The following CYFIP1 variants were observed in gnomAD, a reference collection of about 807,000 sequenced individuals.
CYFIP1 encodes cytoplasmic FMR1 interacting protein 1.
A neutral mutation model predicts 163.5 loss-of-function variants in CYFIP1; 58 were observed. The ratio of observed to expected loss-of-function variants is 0.35; its 90% CI spans 0.29 to 0.44. CYFIP1 has a LOEUF of 0.44. Ranked by LOEUF, CYFIP1 falls within the 20% of genes least tolerant of loss-of-function variation. CYFIP1 has a pLI of 1.00. For missense variants in CYFIP1, 1,338 were observed against 1,653.8 expected (o/e 0.81, Z 3.31); for synonymous variants, 663 against 660.7 (o/e 1.00, Z -0.05).
At position 22,964,632 on chromosome 15, in the gene CYFIP1, A is replaced by G. The variant is rs1328709935; in HGVS notation, c.-7+15655T>C. Among the ~76,000 whole-genome samples, 4 of 152,164 alleles carry G rather than the reference A, an allele frequency of 2.6e-5. No homozygotes were observed. The East Asian group carries it at 7.7e-4, about 29-fold the overall frequency. On this transcript the variant is annotated intron_variant, in intron 1 of 30. Transcript: ENST00000617928. ...CAGGGCTCCATGTTCCCTCTGGGAAAAAGGGACCCCACCCTGTCCTCAATC... is the reference window on the plus strand; with the variant it reads ...CAGGGCTCCATGTTCCCTCTGGGAAGAAGGGACCCCACCCTGTCCTCAATC...
chr15:22,902,631 G>A (rs2060432563), intron 22 of CYFIP1, among the ~76,000 whole-genome samples: 1 of 152,250 alleles, frequency 6.6e-6, no homozygotes, highest in Non-Finnish European at 1.5e-5. Flanking sequence ...CAGAGACGGT[G>A]GTCTTCACGG....
chr15:22,904,617 A>G (rs1421745200), intron 21 of CYFIP1: 1 of 152,272 alleles, frequency 6.6e-6, no homozygotes, highest in East Asian at 1.9e-4. Context: ...TCCTTTTCTA[A>G]TGAGACTATG....
intron 9 of CYFIP1, 48 bp from the exon 10 acceptor site, chr15:22,933,941 C>G: frequency 1.1e-5 from 15 of 1,349,734 alleles, no homozygotes; most frequent in Non-Finnish European, 1.6e-5. Flanking sequence ...TATTTAGTCA[C>G]CAAATACATA....
At chr15:22,875,859 C>G (rs939582761) in intron 26 of CYFIP1, among the ~76,000 whole-genome samples, 4 of 124,308 alleles carry the variant, frequency 3.2e-5, no homozygotes, top group Non-Finnish European at 1.7e-5. Flanking sequence ...TAATAAAAAC[C>G]ACACAAGGTC....
chr15:22,910,640 G>A lies in CYFIP1; in HGVS notation c.2160-12C>T. ...TATCAAGAAGCAAACTAGTGTAGAA[G>A]GAAGACAGAAAGTTTTTCATACGCC... On this transcript the variant is annotated splice_polypyrimidine_tract_variant and intron_variant, in intron 19 of 30. Transcript: ENST00000617928. 1 of 1,612,746 alleles carries A rather than the reference G, an allele frequency of 6.2e-7. No individual in the cohort carries two copies. The highest frequency in any genetic ancestry group is 1.3e-5 in the African/African-American group (1 of 74,990).
chr15:22,936,630 AC>A lies in CYFIP1; in HGVS notation c.900+473del, dbSNP rs574429103. Among the ~76,000 whole-genome samples the A allele has an allele frequency of 1.1e-4, 16 of 151,984 alleles. 1 individual carries two copies. In the East Asian group the frequency reaches 3.1e-3, roughly 29 times the overall value. ...ACACTGAAAACAGATCAGGCCTGTG[AC>A]CCCCGGTCCCTCTCCTGGGTATGCA... On this transcript the variant is annotated intron_variant, in intron 9 of 30. Coordinates refer to ENST00000617928, the MANE Select transcript of CYFIP1 (RefSeq NM_014608.6).
chr15:22,871,320 A>G (rs1436758980), intron 30 of CYFIP1, among the ~76,000 whole-genome samples: 3 of 152,246 alleles, frequency 2.0e-5, no homozygotes, highest in African/African-American at 7.2e-5. Context: ...AAGAGATGGA[A>G]AAAGTTCAGT....
rs951401304 is a variant in CYFIP1 at position 22,869,172 on chromosome 15, A to G, written c.*856T>C. The G allele has an allele frequency of 6.6e-5, 10 of 152,230 alleles. No individual in the cohort carries two copies. The highest frequency in any genetic ancestry group is 2.2e-4 in the African/African-American group (9 of 41,414). The allele number at this position is 152,230 out of a possible 1,614,324, so 9.4% of individuals were successfully genotyped here. A position where few individuals can be genotyped will look rare whatever the true frequency, so the allele number is the denominator to read the frequency against. ...CTGGGCCTGACTGATCTCCTCCCAC[A>G]TTGCTGGCTTCCTCCAGGTCATGGG... On this transcript the variant is annotated 3_prime_UTR_variant, in exon 31 of 31. Transcript: ENST00000617928.
chr15:22,871,583 G>A (rs1290121127), intron 30 of CYFIP1, among the ~76,000 whole-genome samples: 2 of 152,184 alleles, frequency 1.3e-5, no homozygotes, highest in Admixed American at 6.5e-5. Flanking sequence ...ACTCCACGGG[G>A]CCTGGGCAGG....
Position 22,874,614 on chromosome 15 carries a change from C to G in CYFIP1, c.3146G>C (p.Arg1049Thr). The change falls in exon 28 of 31, where the codon AGA becomes ACA. Residue 1049 changes from arginine (R) to threonine (T), a missense_variant. By Grantham distance (71) the Arg-to-Thr change is moderately conservative (BLOSUM62 -1). Transcript: ENST00000617928. ...EGERLDAKMKRLESKYAPLHL... is the reference protein window; with the variant it reads ...EGERLDAKMKTLESKYAPLHL... The stretch of plus-strand genomic sequence containing the variant: ...CAGCGGGGCGTACTTTGATTCTAGT[C>G]TTTTCATTTTGGCATCAAGTCTCTC... The G allele has an allele frequency of 6.2e-7, 1 of 1,604,850 alleles. No homozygotes were observed. The highest frequency in any genetic ancestry group is 8.5e-7 in the Non-Finnish European group (1 of 1,176,748).
At position 22,883,006 on chromosome 15, in the gene CYFIP1, C is replaced by T. The variant is rs752649591; in HGVS notation, c.2682G>A (p.Leu894=). The T allele has an allele frequency of 3.7e-6, 6 of 1,613,556 alleles. No homozygotes were observed. In the South Asian group the frequency reaches 6.6e-5, roughly 18 times the overall value. ...QPQYLHGSKA[L]NLAYSSIYGS... ...CGTAAATGCTGGAGTAGGCCAAGTT[C>T]AAAGCCTGGAAAACAGGGCACAGAG... Residue 894 remains leucine, a synonymous_variant, in exon 24 of 31, where the codon TTG becomes TTA. Transcript: ENST00000617928.
At position 22,874,545 on chromosome 15, in the gene CYFIP1, G is replaced by T; in HGVS notation, c.3210+5C>A. 1 of 1,592,312 alleles carries T rather than the reference G, an allele frequency of 6.3e-7. No individual in the cohort carries two copies. Among genetic ancestry groups the T allele is most frequent in the Non-Finnish European group, 8.5e-7 (1 of 1,171,642 alleles). On this transcript the variant is annotated splice_donor_5th_base_variant and intron_variant, in intron 28 of 30. Transcript: ENST00000617928. The stretch of plus-strand genomic sequence containing the variant: ...AACAGCCACAGCCATCACGGTACAC[G>T]TTACCTGAGGGGTCCCCAGTCTTTC...
chr15:22,944,413 G>C (rs550005771), intron 5 of CYFIP1, 145 bp downstream of exon 5: 1 of 622,604 alleles, frequency 1.6e-6, no homozygotes, highest in East Asian at 2.7e-5. Flanking sequence ...GACTGTCAAA[G>C]GCTTGGTCCC....
At chr15:22,904,992 CAGA>C (rs965537884) in intron 21 of CYFIP1, 4 of 152,166 alleles carry the variant, frequency 2.6e-5, no homozygotes, top group Non-Finnish European at 4.4e-5. Context: ...CCTTTATTCT[CAGA>C]AGATCAATTT....
intron 10 of CYFIP1, 41 bp downstream of exon 10, chr15:22,933,761 C>T (rs772743658): frequency 6.8e-7 from 1 of 1,469,856 alleles, no homozygotes; most frequent in Non-Finnish European, 9.5e-7. Flanking sequence ...AATGAGGACA[C>T]TGCCGAAAGC....
At position 22,881,857 on chromosome 15, in the gene CYFIP1, T is replaced by C; in HGVS notation, c.2900A>G (p.Tyr967Cys). The C allele has an allele frequency of 6.2e-7, 1 of 1,611,194 alleles. No homozygotes were observed. The change falls in exon 25 of 31, where the codon TAC (tyrosine) becomes TGC (cysteine). Residue 967 changes from tyrosine to cysteine, a missense_variant. This residue lies in a region of CYFIP1 where 824 missense variants were observed against 995.7 expected (regional missense o/e 0.83). Transcript: ENST00000617928. ...PKICRLPRHE[Y>C]GSPGILEFFH... ...ACGCCCGCACTCACCAGGAGAGCCGTACTCGTGCCGGGGCAGGCGGCAGAT... is the reference window on the plus strand; with the variant it reads ...ACGCCCGCACTCACCAGGAGAGCCGCACTCGTGCCGGGGCAGGCGGCAGAT...
chr15:22,923,705 A>G (rs117879789), intron 13 of CYFIP1, among the ~76,000 whole-genome samples: 5,200 of 152,198 alleles, frequency 0.034, 135 homozygotes, highest in Admixed American at 0.075. Context: ...TGCTTTGGGA[A>G]GTCAAAGCAG....
chr15:22,929,631 C>CAAAA (rs35408380), intron 11 of CYFIP1, among the ~76,000 whole-genome samples: 17 of 42,250 alleles, frequency 4.0e-4, no homozygotes, highest in South Asian at 1.4e-3. Context: ...GACTCTGTCT[C>CAAAA]AAAAAAAAAA....
At chr15:22,880,695 G>T (rs2059733000) in intron 25 of CYFIP1, among the ~76,000 whole-genome samples, 1 of 152,192 alleles carries the variant, frequency 6.6e-6, no homozygotes. Flanking sequence ...ACCCTGGGAA[G>T]AGCAAAGCGG....
Sources: gnomAD v4.1 joint callset for allele counts (sites outside exome capture counted in the v4.1 genomes callset) on GRCh38, gnomAD v4.1.1 for gene constraint, gnomAD v4.1.1 regional missense constraint, MANE v1.5 for transcripts, NCBI Gene and HGNC (gene_info 2026-07-23, HGNC 2026-07-21) for gene names.